The following DGKH variants were observed in gnomAD, a reference collection of about 807,000 sequenced individuals.
DGKH encodes DAG kinase eta.
Under a neutral mutation model 159.3 loss-of-function variants are expected in DGKH, and 90 were observed. That is an observed-to-expected ratio of 0.57 (90% confidence interval 0.48 to 0.67). The LOEUF (loss-of-function observed/expected upper bound fraction) is 0.67. Ranked by LOEUF, DGKH falls within the 30% of genes least tolerant of loss-of-function variation. The pLI is 0.00. For missense variants in DGKH, 1,181 were observed against 1,506.1 expected (o/e 0.78, Z 3.57); for synonymous variants, 536 against 553.8 (o/e 0.97, Z 0.45).
At chr13:42,188,952 C>T (rs1226677373) in intron 14 of DGKH, 84 bp from the exon 15 acceptor site, 2 of 1,465,688 alleles carry the variant, frequency 1.4e-6, no homozygotes, top group Non-Finnish European at 9.2e-7. Context: ...ACTTTCAAAA[C>T]ATCTCTATAA....
intron 23 of DGKH, 29 bp from the exon 24 acceptor site, chr13:42,210,573 C>G: frequency 6.3e-7 from 1 of 1,599,422 alleles, no homozygotes; most frequent in Non-Finnish European, 8.5e-7. Flanking sequence ...TCTAAACTAA[C>G]AATTCGTTAC....
intron 13 of DGKH, among the ~76,000 whole-genome samples, chr13:42,183,702 G>C (rs1424575369): frequency 2.6e-4 from 39 of 152,124 alleles, no homozygotes; most frequent in Admixed American, 2.6e-3. Context: ...TTTGACCTTA[G>C]AACTTCATCA....
In DGKH at chr13:42,135,489, C is replaced by CACAAAAAAAAAAAAAAAAAAAAAAAAA. The variant is rs1223953901; in HGVS notation, c.384+5858_384+5859insCAAAAAAAAAAAAAAAAAAAAAAAAAA. 2.0e-3 allele frequency among the ~76,000 whole-genome samples: 100 copies of CACAAAAAAAAAAAAAAAAAAAAAAAAA among 50,936 alleles called. 5 individuals are homozygous for CACAAAAAAAAAAAAAAAAAAAAAAAAA. The highest frequency in any genetic ancestry group is 0.028 in the Middle Eastern group (2 of 72). The allele number at this position is 50,936 out of a possible 152,430, so 33.4% of individuals were successfully genotyped here. A position where few individuals can be genotyped will look rare whatever the true frequency, so the allele number is the denominator to read the frequency against. On this transcript the variant is annotated intron_variant, in intron 3 of 29. Coordinates refer to ENST00000337343, the MANE Select transcript of DGKH (RefSeq NM_178009.5). ...TGGGTGGCAGAGAAAGACCCTGTCT[C>CACAAAAAAAAAAAAAAAAAAAAAAAAA]AGAAAAAAAAAAAAAAAAAGAGAGA...
chr13:42,217,820 G>A (rs910689277), intron 26 of DGKH, among the ~76,000 whole-genome samples: 1 of 152,104 alleles, frequency 6.6e-6, no homozygotes, highest in Admixed American at 6.5e-5. Context: ...GCTCATTGTA[G>A]ACCAGGAGTT....
At chr13:42,226,369 A>G (rs1016513456) in intron 29 of DGKH, among the ~76,000 whole-genome samples, 21 of 152,214 alleles carry the variant, frequency 1.4e-4, no homozygotes, top group Non-Finnish European at 1.0e-4. Context: ...TAGTTCAATC[A>G]TTGTGGAAAA....
chr13:42,081,923 C>T (rs958592688), intron 1 of DGKH, among the ~76,000 whole-genome samples: 1 of 152,108 alleles, frequency 6.6e-6, no homozygotes, highest in Non-Finnish European at 1.5e-5. Flanking sequence ...AGAGTTACAT[C>T]TTATTTATTT....
intron 1 of DGKH, among the ~76,000 whole-genome samples, chr13:42,094,746 G>T (rs913112374): frequency 6.6e-6 from 1 of 152,122 alleles, no homozygotes; most frequent in African/African-American, 2.4e-5. Context: ...TTTATGCAAA[G>T]CCCATATGTT....
chr13:42,163,821 A>G (rs1956250834), intron 7 of DGKH, among the ~76,000 whole-genome samples: 1 of 151,328 alleles, frequency 6.6e-6, no homozygotes, highest in African/African-American at 2.4e-5. Context: ...TTGCCTGTTC[A>G]CTCTGATGGT....
intron 1 of DGKH, among the ~76,000 whole-genome samples, chr13:42,085,848 A>C (rs895825212): frequency 5.9e-5 from 9 of 152,200 alleles, no homozygotes; most frequent in Non-Finnish European, 1.3e-4. Context: ...AACACTTAAG[A>C]AATATTTTTC....
chr13:42,186,988 A>G, intron 13 of DGKH, 61 bp from the exon 14 acceptor site: 2 of 1,428,354 alleles, frequency 1.4e-6, no homozygotes, highest in Non-Finnish European at 2.0e-6. Flanking sequence ...AAATATATTC[A>G]TAAATCAAGG....
chr13:42,070,100 G>A (rs1468923491), intron 1 of DGKH: 2 of 963,710 alleles, frequency 2.1e-6, no homozygotes, highest in Non-Finnish European at 3.4e-6. Context: ...ATATGAAAAG[G>A]ATGGCTTGAA....
In DGKH at chr13:42,168,796, G is replaced by T. The variant is rs1241323257; in HGVS notation, c.1345G>T (p.Ala449Ser). The T allele has an allele frequency of 6.2e-7, 1 of 1,613,726 alleles. No individual in the cohort carries two copies. Among genetic ancestry groups the T allele is most frequent in the Non-Finnish European group, 8.5e-7 (1 of 1,179,746 alleles). Residue 449 changes from alanine to serine, a missense_variant, in exon 11 of 30, where the codon GCC becomes TCC. Ala to Ser is a moderately conservative substitution (Grantham distance 99). Around this residue, in one of 5 missense-constraint regions of DGKH, gnomAD observed 369 missense variants for 519.4 expected, o/e 0.71. Transcript: ENST00000337343. ...TCAGATCCTAGAGAAACTGGAACGA[G>T]CCAGTACCAAAATGTTGGACAGGTA... ...LPQILEKLER[A>S]STKMLDRWSI... is the part of the protein sequence containing the mutation.
chr13:42,214,942 C>T (rs1957751749), intron 25 of DGKH, among the ~76,000 whole-genome samples: 1 of 152,096 alleles, frequency 6.6e-6, no homozygotes, highest in African/African-American at 2.4e-5. Context: ...TGTTAAAGGG[C>T]AATCCTAGAT....
chr13:42,247,370 A>G (rs1474939690), downstream of DGKH, among the ~76,000 whole-genome samples: 2 of 151,702 alleles, frequency 1.3e-5, no homozygotes, highest in African/African-American at 2.4e-5. Flanking sequence ...AGCTGGGACT[A>G]CCAGTGTGCG....
chr13:42,078,315 G>C (rs1052167140), intron 1 of DGKH, among the ~76,000 whole-genome samples: 1 of 152,150 alleles, frequency 6.6e-6, no homozygotes, highest in Non-Finnish European at 1.5e-5. Flanking sequence ...GCCATCTAGA[G>C]GTCAGGAGGC....
chr13:42,150,932 A>AGG (rs1019753194), intron 3 of DGKH, among the ~76,000 whole-genome samples: 4 of 152,068 alleles, frequency 2.6e-5, no homozygotes, highest in Non-Finnish European at 5.9e-5. Flanking sequence ...GTGCAATAAG[A>AGG]GGGAAGCAAG....
chr13:42,054,414 T>C (rs1593956264), intron 1 of DGKH, among the ~76,000 whole-genome samples: 1 of 152,192 alleles, frequency 6.6e-6, no homozygotes, highest in African/African-American at 2.4e-5. Flanking sequence ...GTAGGAACTT[T>C]TACATTTTGA....
chr13:42,218,092 G>A lies in DGKH; in HGVS notation c.3214-1138G>A, dbSNP rs543922678. On this transcript the variant is annotated intron_variant, in intron 26 of 29. Coordinates refer to ENST00000337343, the MANE Select transcript of DGKH (RefSeq NM_178009.5). The stretch of plus-strand genomic sequence containing the variant: ...TGCTATTTCCAGAGGAAGAAATAAA[G>A]TCTCCTGAAGTCAATTAACCTTCCT... Among the ~76,000 whole-genome samples the A allele has an allele frequency of 5.9e-5, 9 of 152,246 alleles. No homozygotes were observed. In the South Asian group the frequency reaches 1.9e-3, roughly 32 times the overall value.
Position 42,155,362 on chromosome 13 carries a change from A to G in DGKH, c.456A>G (p.Ser152=), listed in dbSNP as rs768313756. 2.6e-5 allele frequency: 42 copies of G among 1,612,782 alleles called. No individual in the cohort carries two copies. The highest frequency in any genetic ancestry group is 3.5e-5 in the Non-Finnish European group (41 of 1,179,762). The part of the protein sequence containing the change: ...NRKEMEDWIS[S]LKSVQTREPY... ...AGGAGATGGAGGATTGGATCAGCTC[A>G]CTGAAGTCTGTACAGACCAGAGAAC... Residue 152 remains serine, a synonymous_variant, in exon 4 of 30, where the codon TCA becomes TCG. Transcript: ENST00000337343.
Sources: gnomAD v4.1 joint callset for allele counts (sites outside exome capture counted in the v4.1 genomes callset) on GRCh38, gnomAD v4.1.1 for gene constraint, gnomAD v4.1.1 regional missense constraint, MANE v1.5 for transcripts, NCBI Gene and HGNC (gene_info 2026-07-23, HGNC 2026-07-21) for gene names.